PPM1A: variants seen among roughly 807,000 people sequenced by gnomAD.
PPM1A encodes protein phosphatase 1A.
PPM1A carries 7 observed loss-of-function variants against 35.0 expected under a neutral mutation model. The observed-to-expected ratio is 0.20, with a 90% CI of 0.11 to 0.38. PPM1A has a LOEUF of 0.38. Among genes scored for constraint, PPM1A ranks in the 10% least tolerant of loss-of-function variants. PPM1A has a pLI of 1.00. For missense variants in PPM1A, 239 were observed against 467.8 expected (o/e 0.51, Z 4.51); for synonymous variants, 153 against 167.3 (o/e 0.91, Z 0.66).
In PPM1A at chr14:60,289,881, C is replaced by T; in HGVS notation, c.1028C>T (p.Pro343Leu). 6.3e-7 allele frequency: 1 copy of T among 1,590,266 alleles called. No homozygotes were observed. Among genetic ancestry groups the T allele is most frequent in the Non-Finnish European group, 8.5e-7 (1 of 1,173,110 alleles). Residue 343 changes from proline (P) to leucine (L), a missense_variant, in exon 4 of 6, where the codon CCC becomes CTC. Pro to Leu is a moderately conservative substitution (Grantham distance 98). Coordinates refer to ENST00000395076, the MANE Select transcript of PPM1A (RefSeq NM_021003.5). This position sits in a 1 kb window ranked among gnomAD's most constrained non-coding sequence, Gnocchi z 4.1. ...CGCACATTAGCGAGTGAGAACATCC[C>T]CAGCCTCCCACCAGGGGGTGAATTG... ...VMRTLASENIPSLPPGGELAS... is the reference protein window; with the variant it reads ...VMRTLASENILSLPPGGELAS...
At chr14:60,275,192 G>A (rs1486194815) in intron 1 of PPM1A, among the ~76,000 whole-genome samples, 2 of 150,410 alleles carry the variant, frequency 1.3e-5, no homozygotes, top group Admixed American at 1.3e-4. Context: ...TTCTGTGACA[G>A]TCTTCCTTAT....
At chr14:60,246,146 C>A, upstream of PPM1A, 1 of 1,133,294 alleles carries the variant, frequency 8.8e-7, no homozygotes, top group Non-Finnish European at 1.2e-6. Flanking sequence ...GAGGGGTATT[C>A]TCAAATACTA....
intron 1 of PPM1A, among the ~76,000 whole-genome samples, chr14:60,268,964 G>A (rs139386988): frequency 0.015 from 2,303 of 150,090 alleles, 31 homozygotes; most frequent in Non-Finnish European, 0.022. Flanking sequence ...TTGGTCTGTG[G>A]GGTAGGATGG....
chr14:60,288,607 C>G (rs1200366954), intron 3 of PPM1A: 1 of 896,330 alleles, frequency 1.1e-6, no homozygotes, highest in African/African-American at 1.8e-5. Flanking sequence ...TTTTTTAAGG[C>G]AAAAAATAAT....
At position 60,296,205 on chromosome 14, in the gene PPM1A, CTA is replaced by C. The variant is rs1888053613; in HGVS notation, c.*3725_*3726del. The stretch of plus-strand genomic sequence containing the variant: ...ATATCAAATTTTAGCCAAATTATTA[CTA>C]TGTGTTTTAATATTTTAAAATAATT... On this transcript the variant is annotated 3_prime_UTR_variant, in exon 6 of 6. Coordinates refer to ENST00000395076, the MANE Select transcript of PPM1A (RefSeq NM_021003.5). This position sits in a 1 kb window ranked among gnomAD's most constrained non-coding sequence, Gnocchi z 4.4. 1 of 151,672 alleles carries C rather than the reference CTA, an allele frequency of 6.6e-6. No homozygotes were observed. The highest frequency in any genetic ancestry group is 2.1e-4 in the South Asian group (1 of 4,826). 9.4% of individuals were successfully genotyped at this position (151,672 alleles called of 1,614,324 possible). A position where few individuals can be genotyped will look rare whatever the true frequency, so the allele number is the denominator to read the frequency against.
rs151283210 is a variant in PPM1A at position 60,290,810 on chromosome 14, A to G, written c.1062-587A>G. ...TTTTTTCCATATGACTTTCTATGAA[A>G]CGATCTATAAAATTGCTTCAAGTCA... On this transcript the variant is annotated intron_variant, in intron 4 of 5. Transcript: ENST00000395076. Among the ~76,000 whole-genome samples, 298 of 152,194 alleles carry G rather than the reference A, an allele frequency of 2.0e-3. 1 individual carries two copies. The highest frequency in any genetic ancestry group is 6.7e-3 in the African/African-American group (277 of 41,546).
intron 1 of PPM1A, among the ~76,000 whole-genome samples, chr14:60,257,152 G>A (rs1883229806): frequency 2.6e-5 from 4 of 152,034 alleles, no homozygotes; most frequent in Admixed American, 2.6e-4. Flanking sequence ...TTTTATTCAT[G>A]TTTACTACTT....
At chr14:60,258,045 C>G (rs781060569) in intron 1 of PPM1A, among the ~76,000 whole-genome samples, 2 of 152,024 alleles carry the variant, frequency 1.3e-5, no homozygotes, top group Non-Finnish European at 1.5e-5. Flanking sequence ...CAACCCACAG[C>G]TTACCCTTTG....
At chr14:60,263,443 C>A (rs1345575186) in intron 1 of PPM1A, among the ~76,000 whole-genome samples, 2 of 152,094 alleles carry the variant, frequency 1.3e-5, no homozygotes, top group African/African-American at 2.4e-5. Context: ...TTTATTTCTT[C>A]AACTCAGTTG....
intron 1 of PPM1A, among the ~76,000 whole-genome samples, chr14:60,261,378 A>G (rs1883726370): frequency 6.6e-6 from 1 of 152,152 alleles, no homozygotes; most frequent in South Asian, 2.1e-4. Context: ...AAATATTTAA[A>G]ATATTTTGTC....
intron 1 of PPM1A, among the ~76,000 whole-genome samples, chr14:60,258,418 C>G (rs902654588): frequency 6.6e-6 from 1 of 152,054 alleles, no homozygotes; most frequent in African/African-American, 2.4e-5. Flanking sequence ...ATAAATAGCT[C>G]AGGGAAAGAA....
At chr14:60,284,677 G>A (rs1886770691) in intron 2 of PPM1A, among the ~76,000 whole-genome samples, 4 of 136,914 alleles carry the variant, frequency 2.9e-5, no homozygotes, top group Admixed American at 2.8e-4. Context: ...GAATTAATGA[G>A]CGTATGTATA....
intron 1 of PPM1A, among the ~76,000 whole-genome samples, chr14:60,253,693 T>C (rs1194595859): frequency 2.0e-5 from 3 of 152,184 alleles, no homozygotes; most frequent in Non-Finnish European, 4.4e-5. Context: ...TCCCAAAGTT[T>C]CAGAAGTTAA....
chr14:60,285,475 C>CTCAT (rs1458525598), intron 2 of PPM1A, 149 bp from the exon 3 acceptor site: 2 of 566,794 alleles, frequency 3.5e-6, no homozygotes, highest in South Asian at 2.4e-5. Flanking sequence ...CACACACGCA[C>CTCAT]GCATGCGTGC....
chr14:60,277,026 G>A, intron 1 of PPM1A: 1 of 1,190,872 alleles, frequency 8.4e-7, no homozygotes, highest in Non-Finnish European at 1.1e-6. Flanking sequence ...GAAAAGTTCA[G>A]ATCAACTGAT....
intron 5 of PPM1A, among the ~76,000 whole-genome samples, chr14:60,291,793 C>G (rs1005237634): frequency 6.9e-6 from 1 of 145,472 alleles, no homozygotes; most frequent in Non-Finnish European, 1.5e-5. Flanking sequence ...TATCTCTACT[C>G]AGAATATTGT....
At chr14:60,251,743 A>C (rs907766554) in intron 1 of PPM1A, among the ~76,000 whole-genome samples, 13 of 152,218 alleles carry the variant, frequency 8.5e-5, no homozygotes, top group Non-Finnish European at 1.8e-4. Flanking sequence ...TTATTTAACA[A>C]ATTCTAAGTT....
In PPM1A at chr14:60,282,741, A is replaced by G. The variant is rs1002550390; in HGVS notation, c.38A>G (p.His13Arg). Reference sequence around the variant, plus strand: ...TTAGACAAGCCAAAGATGGAAAAGCATAATGCCCAGGGGCAGGGTAATGGG... The same window carrying G: ...TTAGACAAGCCAAAGATGGAAAAGCGTAATGCCCAGGGGCAGGGTAATGGG... ...AFLDKPKMEK[H>R]NAQGQGNGLR... Residue 13 changes from histidine (H) to arginine (R), a missense_variant, in exon 2 of 6, where the codon CAT becomes CGT. Around this residue, in one of 2 missense-constraint regions of PPM1A, gnomAD observed 175 missense variants for 389.2 expected, o/e 0.45. Transcript: ENST00000395076. The surrounding 1 kb of genome is among the most constrained non-coding windows in gnomAD (Gnocchi z 5.1). 6.8e-6 allele frequency: 11 copies of G among 1,614,290 alleles called. No homozygotes were observed. Among genetic ancestry groups the G allele is most frequent in the South Asian group, 1.1e-5 (1 of 91,090 alleles).
intron 2 of PPM1A, among the ~76,000 whole-genome samples, chr14:60,284,881 C>T (rs1299316992): frequency 6.6e-6 from 1 of 151,758 alleles, no homozygotes; most frequent in African/African-American, 2.4e-5. Flanking sequence ...TTCTGCCACA[C>T]TCTGTTCTGT....
Sources: gnomAD v4.1 joint callset for allele counts (sites outside exome capture counted in the v4.1 genomes callset) on GRCh38, gnomAD v4.1.1 for gene constraint, gnomAD v4.1.1 regional missense constraint, Gnocchi (gnomAD v3.1) non-coding constraint, MANE v1.5 for transcripts, NCBI Gene and HGNC (gene_info 2026-07-23, HGNC 2026-07-21) for gene names.